The following LRRC4C variants were observed in gnomAD, a reference collection of about 807,000 sequenced individuals.
LRRC4C encodes the protein leucine rich repeat containing 4C.
A neutral mutation model predicts 33.6 loss-of-function variants in LRRC4C; 5 were observed. The observed-to-expected ratio is 0.15, with a 90% CI of 0.08 to 0.31. The LOEUF (loss-of-function observed/expected upper bound fraction) is 0.31, where lower values mean the gene tolerates loss of function less well. Among genes scored for constraint, LRRC4C ranks in the 10% least tolerant of loss-of-function variants. LRRC4C has a pLI of 1.00. For synonymous variants in LRRC4C, 329 were observed against 302.0 expected, an observed-to-expected ratio of 1.09 and a Z score of -0.93; for missense variants, 560 against 796.7, an observed-to-expected ratio of 0.70 and a Z score of 3.58.
intron 1 of LRRC4C, among the ~76,000 whole-genome samples, chr11:41,341,967 T>TCAGTTATTACACAA (rs1403070767): frequency 6.6e-6 from 1 of 152,200 alleles, no homozygotes; most frequent in Admixed American, 6.5e-5. Context: ...CTGTATGTTA[T>TCAGTTATTACACAA]CTATAATATC....
intron 2 of LRRC4C, among the ~76,000 whole-genome samples, chr11:40,868,986 A>G (rs1177966727): frequency 6.6e-6 from 1 of 152,160 alleles, no homozygotes; most frequent in Non-Finnish European, 1.5e-5. Context: ...AGAAACACTA[A>G]TAACATTAGG....
At chr11:40,485,118 G>A (rs1040185289) in intron 3 of LRRC4C, among the ~76,000 whole-genome samples, 2 of 151,918 alleles carry the variant, frequency 1.3e-5, no homozygotes, top group South Asian at 4.2e-4. Context: ...AAAATCACAA[G>A]GTGTATTTCA....
intron 4 of LRRC4C, among the ~76,000 whole-genome samples, chr11:40,250,154 C>T (rs1434746240): frequency 4.0e-5 from 6 of 151,670 alleles, no homozygotes; most frequent in Non-Finnish European, 8.8e-5. Context: ...TATCTTGTCC[C>T]TAACTCAGAC....
intron 2 of LRRC4C, among the ~76,000 whole-genome samples, chr11:40,803,174 C>T (rs1031224341): frequency 6.6e-6 from 1 of 152,158 alleles, no homozygotes; most frequent in African/African-American, 2.4e-5. Flanking sequence ...AAACAGGCTA[C>T]ATATATTAAC....
intron 3 of LRRC4C, among the ~76,000 whole-genome samples, chr11:40,633,634 T>A (rs1009514076): frequency 1.3e-5 from 2 of 151,856 alleles, no homozygotes; most frequent in Non-Finnish European, 2.9e-5. Context: ...GGTGATCCCA[T>A]CCACCTTGGC....
intron 2 of LRRC4C, among the ~76,000 whole-genome samples, chr11:40,709,210 G>A (rs1179670622): frequency 1.3e-5 from 2 of 152,080 alleles, no homozygotes; most frequent in Non-Finnish European, 2.9e-5. Context: ...TTACATTTCA[G>A]GTTAATATTG....
chr11:40,647,319 C>T (rs1021329029), intron 3 of LRRC4C, among the ~76,000 whole-genome samples: 5 of 152,188 alleles, frequency 3.3e-5, no homozygotes, highest in Admixed American at 3.3e-4. Context: ...CAAACTTCTC[C>T]TCTACAATGG....
chr11:40,501,367 G>A (rs111840366), intron 3 of LRRC4C, among the ~76,000 whole-genome samples: 2,325 of 152,286 alleles, frequency 0.015, 43 homozygotes, highest in Non-Finnish European at 0.019. Context: ...CTGTGTGGGA[G>A]TCCCCTCCCT....
intron 4 of LRRC4C, among the ~76,000 whole-genome samples, chr11:40,250,637 G>C (rs1866716069): frequency 6.6e-6 from 1 of 152,072 alleles, no homozygotes; most frequent in Admixed American, 6.6e-5. Context: ...TACTCGGGAA[G>C]CTGAGGCAGG....
intron 2 of LRRC4C, among the ~76,000 whole-genome samples, chr11:40,781,097 T>C (rs921360846): frequency 6.6e-6 from 1 of 152,142 alleles, no homozygotes; most frequent in African/African-American, 2.4e-5. Context: ...GTATAGCCTA[T>C]TATTTCTAGT....
rs191033178 is a variant in LRRC4C at position 40,635,432 on chromosome 11, C to T, written c.-270+12710G>A. On this transcript the variant is annotated intron_variant, in intron 3 of 6. Transcript: ENST00000528697. Reference sequence around the variant, plus strand: ...TAGATGATGCTCATTGTTGAAGCCACGCTAAAGGAGCTCACCTTCAAACAG... The same window carrying T: ...TAGATGATGCTCATTGTTGAAGCCATGCTAAAGGAGCTCACCTTCAAACAG... Among the ~76,000 whole-genome samples, 13 of 152,202 alleles carry T rather than the reference C, an allele frequency of 8.5e-5. No homozygotes were observed. In the East Asian group the frequency reaches 1.2e-3, roughly 14 times the overall value.
chr11:41,168,680 C>A (rs949661378), intron 1 of LRRC4C, among the ~76,000 whole-genome samples: 1 of 152,102 alleles, frequency 6.6e-6, no homozygotes, highest in African/African-American at 2.4e-5. Context: ...TACATCTAAG[C>A]TGTTTGGTTT....
intron 3 of LRRC4C, among the ~76,000 whole-genome samples, chr11:40,609,173 A>C (rs1960942804): frequency 6.6e-6 from 1 of 152,082 alleles, no homozygotes; most frequent in Non-Finnish European, 1.5e-5. Flanking sequence ...GTTAGCTCAC[A>C]AAAAAGTCTT....
chr11:40,902,945 C>G (rs527699707), intron 2 of LRRC4C, among the ~76,000 whole-genome samples: 3 of 152,026 alleles, frequency 2.0e-5, no homozygotes, highest in Admixed American at 1.3e-4. Flanking sequence ...GCAAGTTACC[C>G]GGAAGATCTA....
chr11:40,938,427 AAAC>A (rs1251726623), intron 1 of LRRC4C, among the ~76,000 whole-genome samples: 4 of 152,296 alleles, frequency 2.6e-5, no homozygotes, highest in Admixed American at 6.5e-5. Flanking sequence ...GACATTGTAC[AAAC>A]AACAACAACA....
At chr11:40,150,320 A>AT (rs1259214663) in intron 5 of LRRC4C, among the ~76,000 whole-genome samples, 3 of 152,342 alleles carry the variant, frequency 2.0e-5, no homozygotes, top group East Asian at 3.9e-4. Flanking sequence ...TAGTATGTAG[A>AT]TTTTTTGTGT....
rs546458131 is a variant in LRRC4C at position 40,194,946 on chromosome 11, C to G, written c.-96+46573G>C. 2.6e-5 allele frequency among the ~76,000 whole-genome samples: 4 copies of G among 151,612 alleles called. No homozygotes were observed. In the South Asian group the frequency reaches 8.4e-4, roughly 32 times the overall value. Reference sequence around the variant, plus strand: ...TACTTAAAAAAAAACAAACAATTAGCCGGGTGTGGTGGCGGGAGCCTGTAG... The same window carrying G: ...TACTTAAAAAAAAACAAACAATTAGGCGGGTGTGGTGGCGGGAGCCTGTAG... On this transcript the variant is annotated intron_variant, in intron 5 of 6. Coordinates refer to ENST00000528697, the MANE Select transcript of LRRC4C (RefSeq NM_001258419.2).
intron 2 of LRRC4C, among the ~76,000 whole-genome samples, chr11:40,698,622 G>T (rs1412885766): frequency 6.6e-6 from 1 of 152,138 alleles, no homozygotes; most frequent in Admixed American, 6.6e-5. Flanking sequence ...AAAGTCAAAA[G>T]GAAATTGGGT....
At chr11:41,077,437 C>A (rs975039874) in intron 1 of LRRC4C, among the ~76,000 whole-genome samples, 59 of 152,188 alleles carry the variant, frequency 3.9e-4, no homozygotes, top group Admixed American at 3.9e-3. Context: ...CTTCTGCATT[C>A]CTGCAAGCCC....
Sources: gnomAD v4.1 joint callset for allele counts (sites outside exome capture counted in the v4.1 genomes callset) on GRCh38, gnomAD v4.1.1 for gene constraint, MANE v1.5 for transcripts, NCBI Gene and HGNC (gene_info 2026-07-23, HGNC 2026-07-21) for gene names.